EEIG1: variants seen among roughly 807,000 people sequenced by gnomAD.
The protein encoded by EEIG1 is early estrogen-induced gene 1 protein.
At chr9:127,955,135 C>CA in the EEIG1 span, among the ~76,000 whole-genome samples, 1 of 152,228 alleles carries the variant, frequency 6.6e-6, no homozygotes, top group Admixed American at 6.5e-5. Flanking sequence ...CACCTAAGCA[C>CA]AACCGCCAAG....
the EEIG1 span, among the ~76,000 whole-genome samples, chr9:127,979,224 T>C: frequency 6.6e-6 from 1 of 152,150 alleles, no homozygotes; most frequent in Admixed American, 6.5e-5. Flanking sequence ...GCCCAGAAAG[T>C]AACAGAGTCA....
At chr9:127,964,908 C>G in the EEIG1 span, among the ~76,000 whole-genome samples, 46 of 152,072 alleles carry the variant, frequency 3.0e-4, no homozygotes, top group African/African-American at 1.0e-3. Flanking sequence ...TCGGGACCAG[C>G]CTGGACAACA....
the EEIG1 span, among the ~76,000 whole-genome samples, chr9:127,962,464 G>T: frequency 6.6e-6 from 1 of 152,148 alleles, no homozygotes; most frequent in African/African-American, 2.4e-5. Flanking sequence ...GGGTGGAAAT[G>T]CAACTCTGCA....
the EEIG1 span, chr9:127,948,410 G>T: frequency 2.5e-6 from 4 of 1,614,120 alleles, no homozygotes; most frequent in Non-Finnish European, 3.4e-6. Context: ...CATACCAATG[G>T]TGACCTGTGG....
chr9:127,952,376 C>G, the EEIG1 span, among the ~76,000 whole-genome samples: 2 of 152,258 alleles, frequency 1.3e-5, no homozygotes, highest in Admixed American at 1.3e-4. Context: ...AGCCCACCCT[C>G]CTGCCACTGG....
the EEIG1 span, chr9:127,980,190 C>T: frequency 6.4e-7 from 1 of 1,559,164 alleles, no homozygotes; most frequent in Admixed American, 1.8e-5. Flanking sequence ...TGGAGAGGGA[C>T]GGGATTCCTT....
the EEIG1 span, among the ~76,000 whole-genome samples, chr9:127,971,669 C>T: frequency 6.6e-6 from 1 of 152,132 alleles, no homozygotes. Flanking sequence ...CAGCAGGAAG[C>T]CCCAAGACCA....
the EEIG1 span, chr9:127,942,939 G>C: frequency 5.6e-6 from 3 of 535,180 alleles, no homozygotes; most frequent in South Asian, 4.3e-5. Flanking sequence ...CGCCTGGCCT[G>C]CCTGGCCTGC....
chr9:127,948,567 A>C, the EEIG1 span, among the ~76,000 whole-genome samples: 4 of 152,250 alleles, frequency 2.6e-5, no homozygotes, highest in African/African-American at 9.6e-5. Flanking sequence ...TGGCAAAGCC[A>C]CTAACCTCTC....
At chr9:127,950,638 C>T in the EEIG1 span, 8 of 1,532,058 alleles carry the variant, frequency 5.2e-6, no homozygotes, top group Admixed American at 5.5e-5. Flanking sequence ...GAGAGGGAGA[C>T]AGATAAAGCC....
the EEIG1 span, among the ~76,000 whole-genome samples, chr9:127,949,516 C>G: frequency 6.6e-6 from 1 of 152,138 alleles, no homozygotes; most frequent in Admixed American, 6.5e-5. Context: ...CCCCCAGGCT[C>G]CCTTGATCTG....
At chr9:127,970,459 G>T in the EEIG1 span, among the ~76,000 whole-genome samples, 1 of 151,732 alleles carries the variant, frequency 6.6e-6, no homozygotes, top group Non-Finnish European at 1.5e-5. Flanking sequence ...TTTGCTCAAC[G>T]TTGTTTGTCA....
the EEIG1 span, chr9:127,980,140 G>A: frequency 6.2e-7 from 1 of 1,611,728 alleles, no homozygotes; most frequent in Non-Finnish European, 8.5e-7. Context: ...AAAGCCATGA[G>A]CGAGTTCCCT....
the EEIG1 span, chr9:127,945,827 G>T: frequency 9.6e-7 from 1 of 1,045,980 alleles, no homozygotes; most frequent in South Asian, 1.4e-5. The surrounding 1 kb of genome is among the most constrained non-coding windows in gnomAD (Gnocchi z 6.5). Flanking sequence ...CCTTCACAAC[G>T]TGCCCTCACA....
the EEIG1 span, among the ~76,000 whole-genome samples, chr9:127,949,765 A>C: frequency 5.4e-3 from 822 of 152,310 alleles, 3 homozygotes; most frequent in African/African-American, 0.019. Flanking sequence ...TTTCCCGGCC[A>C]GGTGAAAGGT....
the EEIG1 span, among the ~76,000 whole-genome samples, chr9:127,946,987 C>A: frequency 6.6e-6 from 1 of 152,118 alleles, no homozygotes; most frequent in Non-Finnish European, 1.5e-5. Flanking sequence ...CCAGCAAACA[C>A]TTGGGGGCAG....
the EEIG1 span, chr9:127,941,960 G>A: frequency 2.0e-5 from 3 of 152,576 alleles, no homozygotes. Flanking sequence ...TCCAGGGACT[G>A]GCTGGCAGCC....
the EEIG1 span, among the ~76,000 whole-genome samples, chr9:127,972,073 C>T: frequency 2.8e-4 from 42 of 152,096 alleles, no homozygotes; most frequent in Admixed American, 1.8e-3. This position sits in a 1 kb window ranked among gnomAD's most constrained non-coding sequence, Gnocchi z 4.3. Flanking sequence ...TCCGTGGAGG[C>T]TGTCTTCTGC....
the EEIG1 span, among the ~76,000 whole-genome samples, chr9:127,949,462 A>C: frequency 3.9e-5 from 6 of 152,314 alleles, no homozygotes; most frequent in Non-Finnish European, 7.4e-5. Flanking sequence ...AAGACCTTGC[A>C]GACAGGATGT....
Sources: allele counts gnomAD v4.1 joint callset (sites outside exome capture counted in the v4.1 genomes callset), GRCh38; gene constraint gnomAD v4.1.1; non-coding constraint Gnocchi (gnomAD v3.1); transcripts MANE v1.5; gene names NCBI Gene and HGNC (gene_info 2026-07-23, HGNC 2026-07-21).